IRAG2: variants seen among roughly 807,000 people sequenced by gnomAD.
IRAG2 encodes the protein inositol 1,4,5-triphosphate receptor associated 2.
A neutral mutation model predicts 69.9 loss-of-function variants in IRAG2; 45 were observed. The observed-to-expected ratio is 0.64, with a 90% CI of 0.51 to 0.83. IRAG2 has a LOEUF of 0.83. IRAG2 is among the 40% of genes least tolerant of loss of function. IRAG2 has a pLI of 0.00. For missense variants in IRAG2, 520 were observed against 587.0 expected, an observed-to-expected ratio of 0.89 and a Z score of 1.18; for synonymous variants, 193 against 202.4, an observed-to-expected ratio of 0.95 and a Z score of 0.40.
chr12:25,104,102 T>A (rs1447504728), intron 19 of IRAG2, 44 bp downstream of exon 19: 1 of 1,554,346 alleles, frequency 6.4e-7, no homozygotes, highest in East Asian at 2.2e-5. Context: ...CTTACTATTT[T>A]ATACTTGGGC....
intron 10 of IRAG2, among the ~76,000 whole-genome samples, chr12:25,031,489 T>C (rs529257722): frequency 2.0e-5 from 3 of 152,334 alleles, no homozygotes; most frequent in African/African-American, 4.8e-5. Flanking sequence ...CTTTATTTCA[T>C]TGGTCACTTG....
intron 9 of IRAG2, chr12:25,026,984 A>G (rs1166865738): frequency 2.2e-6 from 1 of 465,064 alleles, no homozygotes; most frequent in Non-Finnish European, 3.5e-6. Context: ...TGAAACTTTT[A>G]GTCTACAAAA....
chr12:25,041,863 G>T (rs1944752887), intron 16 of IRAG2, among the ~76,000 whole-genome samples: 1 of 96,830 alleles, frequency 1.0e-5, no homozygotes, highest in African/African-American at 3.0e-5. Context: ...TCAACTTACT[G>T]GTTTGTGACC....
intron 14 of IRAG2, among the ~76,000 whole-genome samples, chr12:25,096,247 C>T (rs1466015499): frequency 6.6e-6 from 1 of 152,122 alleles, no homozygotes; most frequent in Non-Finnish European, 1.5e-5. Flanking sequence ...TAATGATATA[C>T]AAAATCGTTG....
intron 7 of IRAG2, among the ~76,000 whole-genome samples, chr12:25,022,854 G>A (rs1193790696): frequency 7.9e-5 from 12 of 152,206 alleles, no homozygotes; most frequent in African/African-American, 2.7e-4. Context: ...CACCGGGCGT[G>A]GTGGCTCACG....
chr12:25,011,914 T>C (rs1489247011), intron 3 of IRAG2, among the ~76,000 whole-genome samples: 2 of 152,118 alleles, frequency 1.3e-5, no homozygotes, highest in African/African-American at 4.8e-5. Flanking sequence ...ATTGATACTA[T>C]CAAATCTCCA....
At chr12:25,016,425 C>T (rs745747099) in intron 5 of IRAG2, among the ~76,000 whole-genome samples, 17 of 152,148 alleles carry the variant, frequency 1.1e-4, no homozygotes, top group Non-Finnish European at 1.9e-4. Context: ...AATGATAAGA[C>T]TCTAGGAACT....
At chr12:25,008,030 G>A (rs1467727932) in intron 2 of IRAG2, among the ~76,000 whole-genome samples, 1 of 151,938 alleles carries the variant, frequency 6.6e-6, no homozygotes, top group African/African-American at 2.4e-5. Flanking sequence ...TGAGAGTAAT[G>A]GCAAAAACCA....
chr12:25,015,088 GAAAAA>G, intron 3 of IRAG2: 40 of 50,894 alleles, frequency 7.9e-4, no homozygotes, highest in East Asian at 6.1e-3. Flanking sequence ...GCATAAATCT[GAAAAA>G]AAAAAAAAAA....
intron 15 of IRAG2, among the ~76,000 whole-genome samples, chr12:25,098,177 C>T (rs942801938): frequency 2.6e-5 from 4 of 152,210 alleles, no homozygotes; most frequent in African/African-American, 9.7e-5. Flanking sequence ...TCCGCTTCTC[C>T]ACCTCTCATG....
upstream of IRAG2, among the ~76,000 whole-genome samples, chr12:25,048,985 G>C (rs1259021567): frequency 3.3e-5 from 5 of 152,160 alleles, no homozygotes; most frequent in Admixed American, 6.5e-5. Context: ...CATGTAGCTA[G>C]CCAGTTCTCC....
chr12:25,100,000 G>GAAAAAAAAAAAAAAAAA lies in IRAG2; in HGVS notation c.742-1169_742-1153dup, dbSNP rs56728551. Among the ~76,000 whole-genome samples, 5 of 25,674 alleles carry GAAAAAAAAAAAAAAAAA rather than the reference G, an allele frequency of 1.9e-4. 1 individual carries two copies. The highest frequency in any genetic ancestry group is 1.4e-3 in the African/African-American group (5 of 3,486). The allele number at this position is 25,674 out of a possible 152,430, so 16.8% of individuals were successfully genotyped here. On this transcript the variant is annotated intron_variant, in intron 15 of 21. Transcript: ENST00000556887. ...GGGCAACAAGAGTGAGACTCCATCT[G>GAAAAAAAAAAAAAAAAA]AAAAAAAAAAAAAAAAAAAAAAAAA...
rs190328564 is a variant in IRAG2 at position 25,068,798 on chromosome 12, C to A, written c.-58-552C>A. ...TATTAGAGTAAAGATTCCCCTAGCACCTCTGTCTACAAGGATTTTAGGAGG... is the reference window on the plus strand; with the variant it reads ...TATTAGAGTAAAGATTCCCCTAGCAACTCTGTCTACAAGGATTTTAGGAGG... On this transcript the variant is annotated intron_variant, in intron 5 of 21. Coordinates refer to ENST00000556887, the MANE Select transcript of IRAG2 (RefSeq NM_001366544.2). 1.6e-4 allele frequency among the ~76,000 whole-genome samples: 25 copies of A among 152,274 alleles called. No homozygotes were observed. In the East Asian group the frequency reaches 4.8e-3, roughly 29 times the overall value.
chr12:25,034,049 C>T (rs1157517291), intron 13 of IRAG2: 1 of 396,160 alleles, frequency 2.5e-6, no homozygotes, highest in Non-Finnish European at 4.4e-6. Flanking sequence ...CTACCAGTGA[C>T]ACTGAGAGAA....
rs767179674 is a variant in IRAG2, at chr12:25,069,442, G to A, written c.24+11G>A. The A allele has an allele frequency of 6.2e-6, 10 of 1,613,380 alleles. No homozygotes were observed. In the East Asian group the frequency reaches 2.0e-4, roughly 32 times the overall value. ...GACCCAAGTATGGAAGTGAGTGTTG[G>A]ACTGGATTTTGGTTTCATTTTCAGT... On this transcript the variant is annotated intron_variant, in intron 6 of 21. Transcript: ENST00000556887.
intron 16 of IRAG2, among the ~76,000 whole-genome samples, chr12:25,045,603 A>T (rs1376550754): frequency 6.6e-6 from 1 of 152,026 alleles, no homozygotes; most frequent in Non-Finnish European, 1.5e-5. Flanking sequence ...TTTTATGCCA[A>T]CAAATTAGAT....
At chr12:25,073,424 C>A (rs1473279591) in intron 6 of IRAG2, among the ~76,000 whole-genome samples, 1 of 152,194 alleles carries the variant, frequency 6.6e-6, no homozygotes, top group Non-Finnish European at 1.5e-5. Context: ...TGAGAGTGAG[C>A]ACTCAATTAG....
intron 6 of IRAG2, among the ~76,000 whole-genome samples, chr12:25,077,186 AT>A (rs1946747513): frequency 1.9e-5 from 1 of 52,882 alleles, no homozygotes; most frequent in Non-Finnish European, 4.4e-5. Context: ...TATATATATG[AT>A]ATATATATGA....
At chr12:25,017,278 C>A (rs1221890335) in exon 6 of IRAG2, 3 of 1,231,994 alleles carry the variant, frequency 2.4e-6, no homozygotes, top group Non-Finnish European at 2.0e-6. Context: ...CCGAATTGCG[C>A]CTTCAGGTAA....
Sources: gnomAD v4.1 joint callset for allele counts (sites outside exome capture counted in the v4.1 genomes callset) on GRCh38, gnomAD v4.1.1 for gene constraint, MANE v1.5 for transcripts, NCBI Gene and HGNC (gene_info 2026-07-23, HGNC 2026-07-21) for gene names.